The following TOGARAM2 variants were observed in gnomAD, a reference collection of about 807,000 sequenced individuals.
The protein encoded by TOGARAM2 is TOG array regulator of axonemal microtubules 2, also known as TOG array regulator of axonemal microtubules protein 2.
Under a neutral mutation model 93.3 loss-of-function variants are expected in TOGARAM2, and 85 were observed. The ratio of observed to expected loss-of-function variants is 0.91; its 90% CI spans 0.76 to 1.09. The LOEUF (loss-of-function observed/expected upper bound fraction) is 1.09, where lower values mean the gene tolerates loss of function less well. TOGARAM2 is among the 50% of genes least tolerant of loss of function. The pLI is 0.00. For synonymous variants in TOGARAM2, 593 were observed against 552.8 expected (o/e 1.07, Z -1.02); for missense variants, 1,277 against 1,334.5 (o/e 0.96, Z 0.67).
intron 19 of TOGARAM2, 134 bp from the exon 20 acceptor site, chr2:29,051,622 A>G: frequency 1.6e-6 from 1 of 620,104 alleles, no homozygotes; most frequent in Non-Finnish European, 2.8e-6. Context: ...AGGCTGCTAA[A>G]TGTGTCATGA....
At chr2:29,024,110 C>A in intron 12 of TOGARAM2, 29 bp from the exon 13 acceptor site, 1 of 1,547,560 alleles carries the variant, frequency 6.5e-7, no homozygotes, top group Non-Finnish European at 8.8e-7. Flanking sequence ...GGGTCCAGCA[C>A]CCTGGAGGGC....
intron 6 of TOGARAM2, among the ~76,000 whole-genome samples, chr2:29,007,838 G>A (rs559359317): frequency 1.3e-5 from 2 of 152,034 alleles, no homozygotes; most frequent in East Asian, 3.9e-4. Flanking sequence ...AGACCCTGAG[G>A]ACCTATTACC....
intron 1 of TOGARAM2, among the ~76,000 whole-genome samples, chr2:28,983,177 A>AATATAAATAT (rs1672288943): frequency 3.1e-5 from 1 of 32,392 alleles, no homozygotes; most frequent in Non-Finnish European, 5.3e-5. Context: ...TGTATATATA[A>AATATAAATAT]ATATATATAT....
chr2:28,962,962 A>G (rs1373169698), intron 1 of TOGARAM2, among the ~76,000 whole-genome samples: 1 of 151,604 alleles, frequency 6.6e-6, no homozygotes, highest in Non-Finnish European at 1.5e-5. Flanking sequence ...AGCTGAGACT[A>G]CAGGTGTAAG....
chr2:29,012,149 C>T (rs896163634), intron 7 of TOGARAM2, among the ~76,000 whole-genome samples: 1 of 152,028 alleles, frequency 6.6e-6, no homozygotes, highest in African/African-American at 2.4e-5. Context: ...GGAGGTGGGA[C>T]GGGTGGATGG....
In TOGARAM2 at chr2:29,035,628, C is replaced by G; in HGVS notation, c.2390C>G (p.Thr797Arg). The G allele has an allele frequency of 6.5e-7, 1 of 1,531,166 alleles. No homozygotes were observed. The highest frequency in any genetic ancestry group is 8.8e-7 in the Non-Finnish European group (1 of 1,136,924). 94.8% of individuals were successfully genotyped at this position (1,531,166 alleles called of 1,614,324 possible). A position where few individuals can be genotyped will look rare whatever the true frequency, so the allele number is the denominator to read the frequency against. Residue 797 changes from threonine to arginine, a missense_variant, in exon 17 of 20, where the codon ACG becomes AGG. Thr to Arg is a moderately conservative substitution (Grantham distance 71). Transcript: ENST00000379558. ...CTCCTGGAGCTCTGCAAGGCCAAGACGGAGCTTGTCACTGCCCACCTGGTC... is the reference window on the plus strand; with the variant it reads ...CTCCTGGAGCTCTGCAAGGCCAAGAGGGAGCTTGTCACTGCCCACCTGGTC... ...GQLLELCKAK[T>R]ELVTAHLVQV...
chr2:28,978,330 A>G (rs200230303), upstream of TOGARAM2, among the ~76,000 whole-genome samples: 30 of 143,742 alleles, frequency 2.1e-4, no homozygotes, highest in African/African-American at 7.8e-4. Context: ...GCAAGGGGAG[A>G]AGACCCCTCA....
chr2:29,040,766 G>A (rs1046952932), intron 18 of TOGARAM2, among the ~76,000 whole-genome samples: 1 of 152,074 alleles, frequency 6.6e-6, no homozygotes, highest in Non-Finnish European at 1.5e-5. Context: ...CCAGCCCTCC[G>A]CCACTGCGCC....
rs150742346 is a variant in TOGARAM2 at position 28,965,933 on chromosome 2, T to G, written c.-147+9236T>G. Among the ~76,000 whole-genome samples, 424 of 152,294 alleles carry G rather than the reference T, an allele frequency of 2.8e-3. 8 individuals carry two copies. Among genetic ancestry groups the G allele is most frequent in the Admixed American group, 0.025 (376 of 15,298 alleles). Reference sequence around the variant, plus strand: ...AGTCCAGTGTCTGAAAATAATTGTTTCACACTTTGTCCAGTTTTCTCATTG... The same window carrying G: ...AGTCCAGTGTCTGAAAATAATTGTTGCACACTTTGTCCAGTTTTCTCATTG... On this transcript the variant is annotated intron_variant, in intron 1 of 6. Coordinates refer to the TOGARAM2 transcript ENST00000401723.
upstream of TOGARAM2, among the ~76,000 whole-genome samples, chr2:28,978,611 GAGT>G (rs1409699785): frequency 6.6e-6 from 1 of 152,178 alleles, no homozygotes; most frequent in African/African-American, 2.4e-5. Flanking sequence ...CTGAAATCTT[GAGT>G]AGATTTCTGG....
chr2:28,974,294 A>AT (rs950633494), intron 1 of TOGARAM2, among the ~76,000 whole-genome samples: 2 of 151,452 alleles, frequency 1.3e-5, no homozygotes, highest in Non-Finnish European at 2.9e-5. Context: ...CGCCCAGCTA[A>AT]TTTTTTTGTT....
chr2:29,035,327 A>G (rs878292), intron 16 of TOGARAM2, 137 bp from the exon 17 acceptor site: 251,825 of 676,470 alleles, frequency 0.37, 49,646 homozygotes, highest in East Asian at 0.71. Flanking sequence ...GTGGAGGGGA[A>G]GCTGGGGGTG....
rs556223966 is a variant in TOGARAM2, at chr2:28,990,689, C to A, written c.-110-4036C>A. Among the ~76,000 whole-genome samples, 20 of 152,246 alleles carry A rather than the reference C, an allele frequency of 1.3e-4. No individual in the cohort carries two copies. The South Asian group carries it at 4.1e-3, about 32-fold the overall frequency. On this transcript the variant is annotated intron_variant, in intron 1 of 19. Coordinates refer to ENST00000379558, the MANE Select transcript of TOGARAM2 (RefSeq NM_199280.4). ...CCTAGTCAGACAGTATGGAGGGTAT[C>A]CCTGAGTGCTCATCTCTGTAGCAGG... is the stretch of plus-strand genomic sequence containing the variant.
At position 29,033,670 on chromosome 2, in the gene TOGARAM2, G is replaced by A. The variant is rs1572761934; in HGVS notation, c.2225+107G>A. 14 of 957,884 alleles carry A rather than the reference G, an allele frequency of 1.5e-5. No individual in the cohort carries two copies. The East Asian group carries it at 3.7e-4, about 26-fold the overall frequency. The allele number at this position is 957,884 out of a possible 1,614,324, so 59.3% of individuals were successfully genotyped here. A position where few individuals can be genotyped will look rare whatever the true frequency, so the allele number is the denominator to read the frequency against. ...TCTGGGGTGGACATATGGATCTGGG[G>A]TATCGCTGAGACCTAGTTGGGGCTG... is the stretch of plus-strand genomic sequence containing the variant. On this transcript the variant is annotated intron_variant, in intron 16 of 19. Transcript: ENST00000379558.
chr2:29,045,254 C>A, intron 18 of TOGARAM2, 70 bp from the exon 19 acceptor site: 1 of 1,261,670 alleles, frequency 7.9e-7, no homozygotes, highest in Non-Finnish European at 1.1e-6. Flanking sequence ...GGGTATGTGG[C>A]CCTGCAAACC....
At chr2:29,026,593 G>A (rs976800514) in intron 13 of TOGARAM2, among the ~76,000 whole-genome samples, 5 of 152,198 alleles carry the variant, frequency 3.3e-5, no homozygotes, top group Non-Finnish European at 2.9e-5. Context: ...TCCCAAGAAC[G>A]GTATGCATAC....
intron 1 of TOGARAM2, among the ~76,000 whole-genome samples, chr2:28,959,519 C>T (rs1025506599): frequency 7.9e-5 from 12 of 152,086 alleles, no homozygotes; most frequent in Non-Finnish European, 1.2e-4. Context: ...TTTGGAAGGC[C>T]GAGGGGGGCG....
chr2:29,038,454 T>C (rs879586285), intron 18 of TOGARAM2, among the ~76,000 whole-genome samples: 1 of 152,088 alleles, frequency 6.6e-6, no homozygotes, highest in Admixed American at 6.5e-5. Context: ...GCCCAAAGGG[T>C]AAAATATACT....
intron 19 of TOGARAM2, chr2:29,047,504 T>G (rs961380901): frequency 5.9e-5 from 9 of 152,386 alleles, no homozygotes; most frequent in Non-Finnish European, 1.2e-4. Flanking sequence ...CGAGGCCTAA[T>G]AATAGCACAG....
Sources: allele counts gnomAD v4.1 joint callset (sites outside exome capture counted in the v4.1 genomes callset), GRCh38; gene constraint gnomAD v4.1.1; transcripts MANE v1.5; gene names NCBI Gene and HGNC (gene_info 2026-07-23, HGNC 2026-07-21).